MMP26: variants seen among roughly 807,000 people sequenced by gnomAD.
MMP26 encodes matrix metalloproteinase-26.
Under a neutral mutation model 31.0 loss-of-function variants are expected in MMP26, and 33 were observed. That is an observed-to-expected ratio of 1.06 (90% confidence interval 0.81 to 1.42). The LOEUF (loss-of-function observed/expected upper bound fraction) is 1.42, where lower values mean the gene tolerates loss of function less well. Ranked by LOEUF, MMP26 falls within the 40% of genes most tolerant of loss-of-function variation. The pLI is 0.00. For synonymous variants in MMP26, 122 were observed against 114.9 expected, an observed-to-expected ratio of 1.06 and a Z score of -0.40; for missense variants, 347 against 316.1, an observed-to-expected ratio of 1.10 and a Z score of -0.74.
At chr11:4,882,228 C>T (rs1412686813) in intron 2 of MMP26, 1 of 1,613,974 alleles carries the variant, frequency 6.2e-7, no homozygotes, top group Non-Finnish European at 8.5e-7. Flanking sequence ...CATGCTTTCT[C>T]CTTGCTGGAG....
chr11:4,708,138 C>T lies in MMP26; in HGVS notation c.-217+3093C>T, dbSNP rs1446329150. On this transcript the variant is annotated intron_variant, in intron 1 of 7. Coordinates refer to ENST00000380390, the MANE Select transcript of MMP26 (RefSeq NM_021801.5). ...CTAGGATGCAGAAGTAGGTACATGT[C>T]CCGATTCTCGTATGTAAAGTCACAG... Among the ~76,000 whole-genome samples the T allele has an allele frequency of 1.3e-5, 2 of 152,192 alleles. 1 individual carries two copies. The highest frequency in any genetic ancestry group is 1.3e-4 in the Admixed American group (2 of 15,274).
chr11:4,907,152 G>C (rs960279599), intron 2 of MMP26, among the ~76,000 whole-genome samples: 1 of 142,782 alleles, frequency 7.0e-6, no homozygotes, highest in Non-Finnish European at 1.5e-5. Flanking sequence ...CTTAGGACAA[G>C]TTGTTAGAAG....
At chr11:4,821,190 T>G in intron 2 of MMP26, 1 of 535,846 alleles carries the variant, frequency 1.9e-6, no homozygotes, top group Non-Finnish European at 3.3e-6. Context: ...TTAAGAAAAT[T>G]TGATGTGGCA....
At chr11:4,957,025 C>G (rs953623651) in intron 2 of MMP26, among the ~76,000 whole-genome samples, 30 of 152,128 alleles carry the variant, frequency 2.0e-4, no homozygotes, top group African/African-American at 7.2e-4. Context: ...ATCAAGTCGT[C>G]TGTTTAAGAT....
At chr11:4,952,624 G>A (rs1459042633) in intron 2 of MMP26, among the ~76,000 whole-genome samples, 1 of 124,832 alleles carries the variant, frequency 8.0e-6, no homozygotes, top group East Asian at 2.3e-4. Context: ...ATACTATCCT[G>A]GAGTATCAGA....
intron 2 of MMP26, chr11:4,946,791 A>T: frequency 6.3e-7 from 1 of 1,587,668 alleles, no homozygotes. Flanking sequence ...TGAATGAAGA[A>T]TTCCTGGGCA....
At chr11:4,969,790 A>G (rs1564816950) in intron 2 of MMP26, among the ~76,000 whole-genome samples, 2 of 152,164 alleles carry the variant, frequency 1.3e-5, no homozygotes, top group Non-Finnish European at 2.9e-5. Flanking sequence ...ATTATGTTTA[A>G]TGCTGATAAC....
At chr11:4,780,500 GT>G (rs1273644384) in intron 2 of MMP26, among the ~76,000 whole-genome samples, 3 of 151,808 alleles carry the variant, frequency 2.0e-5, no homozygotes, top group Admixed American at 6.6e-5. Flanking sequence ...AGTTTAATCT[GT>G]TTTTTTCTCA....
At chr11:4,944,471 TACAA>T (rs1236393265) in intron 2 of MMP26, 1 of 156,816 alleles carries the variant, frequency 6.4e-6, no homozygotes, top group Non-Finnish European at 1.4e-5. Context: ...ATTAGAGGTT[TACAA>T]ACAATGTTTG....
chr11:4,854,485 C>A (rs1442383722), intron 2 of MMP26, among the ~76,000 whole-genome samples: 2 of 152,194 alleles, frequency 1.3e-5, no homozygotes, highest in Non-Finnish European at 2.9e-5. Context: ...GGTCCAAGAC[C>A]AGACTGCAAG....
At chr11:4,974,826 C>A (rs1016088622) in intron 2 of MMP26, among the ~76,000 whole-genome samples, 1 of 152,004 alleles carries the variant, frequency 6.6e-6, no homozygotes, top group South Asian at 2.1e-4. Context: ...GGGCTGGAAG[C>A]CATTATCCTC....
rs539268071 is a variant in MMP26 at position 4,769,514 on chromosome 11, G to A, written c.-145+2173G>A. ...GATTCTGGAATTAGTGAGAATGGTAGTGTACCTCAGAGGGTCACAGATGGC... is the reference window on the plus strand; with the variant it reads ...GATTCTGGAATTAGTGAGAATGGTAATGTACCTCAGAGGGTCACAGATGGC... On this transcript the variant is annotated intron_variant, in intron 2 of 7. Coordinates refer to ENST00000380390, the MANE Select transcript of MMP26 (RefSeq NM_021801.5). 9.5e-5 allele frequency: 154 copies of A among 1,613,840 alleles called. 3 individuals carry two copies. The South Asian group carries it at 1.6e-3, about 17-fold the overall frequency.
chr11:4,832,529 A>C (rs1029466642), intron 2 of MMP26: 3 of 152,456 alleles, frequency 2.0e-5, no homozygotes, highest in Admixed American at 6.5e-5. Context: ...CAACCCCCTA[A>C]GATATAGCTC....
intron 2 of MMP26, among the ~76,000 whole-genome samples, chr11:4,833,635 T>G (rs1205116294): frequency 6.6e-6 from 1 of 152,222 alleles, no homozygotes; most frequent in Non-Finnish European, 1.5e-5. Context: ...GCAAGCCTGT[T>G]GAGCTGAAAT....
At chr11:4,985,530 G>A (rs894328243) in intron 2 of MMP26, among the ~76,000 whole-genome samples, 17 of 151,782 alleles carry the variant, frequency 1.1e-4, no homozygotes, top group African/African-American at 3.9e-4. Flanking sequence ...AGCACATAAC[G>A]TTCTTCTTTT....
intron 1 of MMP26, among the ~76,000 whole-genome samples, chr11:4,714,344 A>T (rs555675119): frequency 6.6e-6 from 1 of 152,162 alleles, no homozygotes; most frequent in Non-Finnish European, 1.5e-5. Flanking sequence ...TGCTTAGAGC[A>T]GGTTGTTAAT....
At position 4,952,872 on chromosome 11, in the gene MMP26, G is replaced by T. The variant is rs1316823736; in HGVS notation, c.-144-35196G>T. Among the ~76,000 whole-genome samples, 4 of 125,092 alleles carry T rather than the reference G, an allele frequency of 3.2e-5. 2 individuals carry two copies. Among genetic ancestry groups the T allele is most frequent in the Non-Finnish European group, 7.2e-5 (4 of 55,330 alleles). 82.1% of individuals were successfully genotyped at this position (125,092 alleles called of 152,430 possible). A position where few individuals can be genotyped will look rare whatever the true frequency, so the allele number is the denominator to read the frequency against. Reference sequence around the variant, plus strand: ...ATTAAAATTTTCCATTAATTGGGAGGTACTGTCAGCTGTGGGCTGATTATT... The same window carrying T: ...ATTAAAATTTTCCATTAATTGGGAGTTACTGTCAGCTGTGGGCTGATTATT... On this transcript the variant is annotated intron_variant, in intron 2 of 7. Transcript: ENST00000380390.
intron 2 of MMP26, among the ~76,000 whole-genome samples, chr11:4,777,329 G>A (rs1848802877): frequency 6.6e-6 from 1 of 152,108 alleles, no homozygotes; most frequent in South Asian, 2.1e-4. Context: ...ATGAGTATCA[G>A]AGGTAAAATT....
intron 2 of MMP26, among the ~76,000 whole-genome samples, chr11:4,840,102 G>A (rs1198787179): frequency 6.6e-6 from 1 of 152,074 alleles, no homozygotes; most frequent in Non-Finnish European, 1.5e-5. Flanking sequence ...TTTGAAAAGT[G>A]GAGGGAGAGT....
Sources: gnomAD v4.1 joint callset for allele counts (sites outside exome capture counted in the v4.1 genomes callset) on GRCh38, gnomAD v4.1.1 for gene constraint, MANE v1.5 for transcripts, NCBI Gene and HGNC (gene_info 2026-07-23, HGNC 2026-07-21) for gene names.